The following FOXP1 variants were observed in gnomAD, a reference collection of about 807,000 sequenced individuals.
The protein encoded by FOXP1 is forkhead box protein P1.
A neutral mutation model predicts 98.2 loss-of-function variants in FOXP1; 15 were observed. That is an observed-to-expected ratio of 0.15 (90% CI 0.10 to 0.24). The LOEUF (loss-of-function observed/expected upper bound fraction) is 0.24. Ranked by LOEUF, FOXP1 falls within the 10% of genes least tolerant of loss-of-function variation. The pLI is 1.00. For missense variants in FOXP1, 633 were observed against 848.5 expected (o/e 0.75, Z 3.15); for synonymous variants, 371 against 314.5 (o/e 1.18, Z -1.90).
intron 2 of FOXP1, chr3:71,542,113 G>A (rs745517256): frequency 2.1e-6 from 1 of 477,944 alleles, no homozygotes; most frequent in African/African-American, 2.0e-5. Flanking sequence ...CAGAAATGCA[G>A]CATTAAAATA....
chr3:71,060,279 T>C (rs900083055), intron 7 of FOXP1, among the ~76,000 whole-genome samples: 1 of 152,154 alleles, frequency 6.6e-6, no homozygotes, highest in Non-Finnish European at 1.5e-5. Context: ...TCTCAAATTG[T>C]AGTTTCTCAT....
intron 7 of FOXP1, among the ~76,000 whole-genome samples, chr3:71,080,787 G>T (rs1470822987): frequency 2.0e-5 from 3 of 152,150 alleles, no homozygotes; most frequent in Admixed American, 6.5e-5. Context: ...TTCTACAGAT[G>T]AAGTCACTCC....
chr3:71,422,042 C>G (rs527655639), intron 3 of FOXP1, among the ~76,000 whole-genome samples: 3 of 152,146 alleles, frequency 2.0e-5, no homozygotes, highest in Non-Finnish European at 4.4e-5. Context: ...GCAGTCACCC[C>G]GCAATTGGGA....
chr3:70,967,066 A>G (rs2034950117), intron 19 of FOXP1, among the ~76,000 whole-genome samples: 1 of 152,232 alleles, frequency 6.6e-6, no homozygotes, highest in Admixed American at 6.5e-5. Flanking sequence ...ATTTATCACA[A>G]CTGTCCTCCT....
chr3:71,422,437 T>C (rs2083732714), intron 3 of FOXP1, among the ~76,000 whole-genome samples: 1 of 152,164 alleles, frequency 6.6e-6, no homozygotes, highest in South Asian at 2.1e-4. Context: ...TAATAAGAAC[T>C]CAGGTGATGC....
In FOXP1 at chr3:71,372,179, A is replaced by ATTTT. The variant is rs71621938; in HGVS notation, c.-167-12939_-167-12936dup. Among the ~76,000 whole-genome samples, 290 of 140,460 alleles carry ATTTT rather than the reference A, an allele frequency of 2.1e-3. 1 individual carries two copies. The highest frequency in any genetic ancestry group is 6.3e-3 in the South Asian group (27 of 4,316). The allele number at this position is 140,460 out of a possible 152,430, so 92.1% of individuals were successfully genotyped here. A position where few individuals can be genotyped will look rare whatever the true frequency, so the allele number is the denominator to read the frequency against. On this transcript the variant is annotated intron_variant, in intron 3 of 20. Coordinates refer to ENST00000649528, the MANE Select transcript of FOXP1 (RefSeq NM_001349338.3). The stretch of plus-strand genomic sequence containing the variant: ...AAGCATGCACCACCATTCCTGGCTA[A>ATTTT]TTTTTTTTTTTTTTGTACTTTTAGT...
intron 12 of FOXP1, among the ~76,000 whole-genome samples, chr3:71,004,571 T>A (rs893488136): frequency 5.3e-5 from 8 of 152,148 alleles, no homozygotes; most frequent in African/African-American, 1.9e-4. Context: ...GGTTTAAAGG[T>A]GAAATGCAAA....
At chr3:71,329,585 GA>G (rs71875262) in intron 4 of FOXP1, among the ~76,000 whole-genome samples, 96,546 of 140,492 alleles carry the variant, frequency 0.69, 34,650 homozygotes, top group East Asian at 0.96. Context: ...GCAAAATGTT[GA>G]AAAAAAAAAA....
chr3:71,379,608 GA>G (rs36082238), intron 3 of FOXP1, among the ~76,000 whole-genome samples: 88,452 of 149,660 alleles, frequency 0.59, 28,771 homozygotes, highest in East Asian at 0.78. Flanking sequence ...ATGGTTAGGG[GA>G]AAAAAAAAAA....
chr3:71,268,885 T>G (rs1576676551), intron 5 of FOXP1, among the ~76,000 whole-genome samples: 1 of 152,314 alleles, frequency 6.6e-6, no homozygotes, highest in East Asian at 1.9e-4. Context: ...TGAGCCAGCC[T>G]GGAATCAAAT....
chr3:71,174,999 C>G (rs138151449), intron 6 of FOXP1, among the ~76,000 whole-genome samples: 6 of 151,830 alleles, frequency 4.0e-5, no homozygotes, highest in Admixed American at 6.6e-5. Context: ...CTGCAACCTC[C>G]GCCCCCGGGT....
At chr3:71,026,065 A>G (rs2046075628) in intron 11 of FOXP1, among the ~76,000 whole-genome samples, 1 of 152,228 alleles carries the variant, frequency 6.6e-6, no homozygotes, top group African/African-American at 2.4e-5. Flanking sequence ...CTATGAAAAC[A>G]TACCAACTCA....
chr3:71,507,233 C>A (rs2041890325), intron 2 of FOXP1, among the ~76,000 whole-genome samples: 1 of 152,106 alleles, frequency 6.6e-6, no homozygotes, highest in Non-Finnish European at 1.5e-5. Flanking sequence ...ACAGCCAGGG[C>A]CAGGGTAAAC....
intron 2 of FOXP1, among the ~76,000 whole-genome samples, chr3:71,499,429 C>A (rs996397509): frequency 3.3e-5 from 5 of 152,246 alleles, no homozygotes; most frequent in Admixed American, 2.0e-4. Flanking sequence ...TGTATATACA[C>A]ACACATATAA....
chr3:71,486,380 C>T (rs1012285375), intron 3 of FOXP1, among the ~76,000 whole-genome samples: 1 of 152,118 alleles, frequency 6.6e-6, no homozygotes, highest in Admixed American at 6.6e-5. Flanking sequence ...ATCTCATGAG[C>T]CTATTCCAAT....
chr3:71,228,275 T>A (rs2065998409), intron 5 of FOXP1, among the ~76,000 whole-genome samples: 1 of 151,962 alleles, frequency 6.6e-6, no homozygotes, highest in Non-Finnish European at 1.5e-5. Context: ...CAATTCTCTA[T>A]ACGCACCGAA....
intron 12 of FOXP1, among the ~76,000 whole-genome samples, chr3:71,013,293 T>C (rs947301612): frequency 3.9e-5 from 6 of 152,198 alleles, no homozygotes; most frequent in Admixed American, 3.9e-4. Context: ...CGCCATCTGC[T>C]TTCTACATTT....
intron 7 of FOXP1, among the ~76,000 whole-genome samples, chr3:71,092,117 G>A (rs1371189383): frequency 6.6e-6 from 1 of 151,380 alleles, no homozygotes; most frequent in African/African-American, 2.4e-5. Flanking sequence ...GAACCCAGGA[G>A]GTGGAGGTTG....
In FOXP1 at chr3:71,553,457, A is replaced by C. The variant is rs552883340; in HGVS notation, c.-298+28092T>G. Among the ~76,000 whole-genome samples the C allele has an allele frequency of 9.9e-5, 15 of 152,216 alleles. 2 individuals carry two copies. Among genetic ancestry groups the C allele is most frequent in the Admixed American group, 9.2e-4 (14 of 15,282 alleles). On this transcript the variant is annotated intron_variant, in intron 2 of 20. Transcript: ENST00000649528. ...TTCTTCCCACTGGTGAGAGGCTTCC[A>C]AATACAGTTACAGAATTTCAGAATT...
Sources: allele counts gnomAD v4.1 joint callset (sites outside exome capture counted in the v4.1 genomes callset), GRCh38; gene constraint gnomAD v4.1.1; transcripts MANE v1.5; gene names NCBI Gene and HGNC (gene_info 2026-07-23, HGNC 2026-07-21).